ZNF236: variants seen among roughly 807,000 people sequenced by gnomAD.
ZNF236 encodes the protein regulated by glucose.
Under a neutral mutation model 191.2 loss-of-function variants are expected in ZNF236, and 50 were observed. The observed-to-expected ratio is 0.26, with a 90% confidence interval of 0.21 to 0.33. The LOEUF (loss-of-function observed/expected upper bound fraction) is 0.33. Ranked by LOEUF, ZNF236 falls within the 10% of genes least tolerant of loss-of-function variation. The pLI, the probability that ZNF236 is intolerant of heterozygous loss-of-function variation, is 1.00. For synonymous variants in ZNF236, 907 were observed against 928.8 expected, an observed-to-expected ratio of 0.98 and a Z score of 0.43; for missense variants, 1,754 against 2,374.5, an observed-to-expected ratio of 0.74 and a Z score of 5.43.
chr18:76,943,978 T>C (rs1315837862), intron 26 of ZNF236, among the ~76,000 whole-genome samples: 1 of 152,238 alleles, frequency 6.6e-6, no homozygotes, highest in Non-Finnish European at 1.5e-5. Context: ...GGTTGATTTA[T>C]GGGTACTTGA....
At chr18:76,867,510 G>A (rs1031062120) in intron 3 of ZNF236, among the ~76,000 whole-genome samples, 5 of 152,052 alleles carry the variant, frequency 3.3e-5, no homozygotes, top group African/African-American at 9.7e-5. Flanking sequence ...ACTAGTATAT[G>A]CAGATCAGAA....
chr18:76,845,282 G>A lies in ZNF236; in HGVS notation c.56-4244G>A, dbSNP rs150464401. Among the ~76,000 whole-genome samples the A allele has an allele frequency of 1.6e-3, 239 of 152,194 alleles. 2 individuals carry two copies. The highest frequency in any genetic ancestry group is 5.5e-3 in the African/African-American group (227 of 41,520). On this transcript the variant is annotated intron_variant, in intron 1 of 30. Transcript: ENST00000320610. ...ATTTTTATGTGTGAGGTGGCTGTGTGGGTAAACTGCCTTGGAATTCTACAT... is the reference window on the plus strand; with the variant it reads ...ATTTTTATGTGTGAGGTGGCTGTGTAGGTAAACTGCCTTGGAATTCTACAT...
chr18:76,924,349 C>T (rs1041626538), intron 21 of ZNF236, among the ~76,000 whole-genome samples: 4 of 152,148 alleles, frequency 2.6e-5, no homozygotes, highest in African/African-American at 4.8e-5. Flanking sequence ...GCGTAGGCCA[C>T]GTGGATAAGG....
At position 76,915,963 on chromosome 18, in the gene ZNF236, T is replaced by G. The variant is rs939513517; in HGVS notation, c.3274+104T>G. On this transcript the variant is annotated intron_variant, in intron 19 of 30. Coordinates refer to ENST00000320610, the MANE Select transcript of ZNF236 (RefSeq NM_001306089.2). ...TATTTTGACGTGGCTATATATAGAT[T>G]AGTTCAGTAGCACCCTGAGTTTTTA... 7.5e-5 allele frequency: 73 copies of G among 970,938 alleles called. No homozygotes were observed. In the Admixed American group the frequency reaches 1.2e-3, roughly 16 times the overall value. 60.1% of individuals were successfully genotyped at this position (970,938 alleles called of 1,614,324 possible).
In ZNF236 at chr18:76,853,836, C is replaced by CCATG. The variant is rs1206087695; in HGVS notation, c.363+1898_363+1899insATGC. On this transcript the variant is annotated intron_variant, in intron 3 of 30. Coordinates refer to ENST00000320610, the MANE Select transcript of ZNF236 (RefSeq NM_001306089.2). Reference sequence around the variant, plus strand: ...GACCAGCCTGGCCAACATGGTGAAACCCTGTCTCTATTAAAAATACAAAAA... The same window carrying CCATG: ...GACCAGCCTGGCCAACATGGTGAAACCATGCCTGTCTCTATTAAAAATACAAAAA... Among the ~76,000 whole-genome samples, 17 of 151,940 alleles carry CCATG rather than the reference C, an allele frequency of 1.1e-4. No individual in the cohort carries two copies. The South Asian group carries it at 1.2e-3, about 11-fold the overall frequency.
chr18:76,854,584 CAA>C (rs11381479), intron 3 of ZNF236, among the ~76,000 whole-genome samples: 1 of 143,612 alleles, frequency 7.0e-6, no homozygotes, highest in Admixed American at 7.0e-5. Flanking sequence ...ACTGTCACTA[CAA>C]AAAAAAAAAA....
chr18:76,948,675 A>G (rs1271369249), intron 27 of ZNF236, among the ~76,000 whole-genome samples: 1 of 152,178 alleles, frequency 6.6e-6, no homozygotes, highest in Non-Finnish European at 1.5e-5. Flanking sequence ...CTCCCAGGAA[A>G]GTTGTGTGAC....
rs919283777 is a variant in ZNF236, at chr18:76,971,439, G to A, written c.*3100G>A. 1.3e-5 allele frequency among the ~76,000 whole-genome samples: 2 copies of A among 152,346 alleles called. No homozygotes were observed. Among genetic ancestry groups the A allele is most frequent in the Admixed American group, 6.5e-5 (1 of 15,308 alleles). On this transcript the variant is annotated 3_prime_UTR_variant, in exon 31 of 31. Coordinates refer to ENST00000320610, the MANE Select transcript of ZNF236 (RefSeq NM_001306089.2). ...CTCCTCTTCCTGACAGTGTTCTGCT[G>A]GTGGGACATGAACATCAGTGCTTGT... is the stretch of plus-strand genomic sequence containing the variant.
rs190607153 is a variant in ZNF236, at chr18:76,947,820, C to A, written c.4914+168C>A. ...TGAGTGGACATAGGCCCTGCGGGGG[C>A]GTGTGTTGAATGACAGGTACGATAT... On this transcript the variant is annotated intron_variant, in intron 27 of 30. Transcript: ENST00000320610. Among the ~76,000 whole-genome samples, 15 of 152,080 alleles carry A rather than the reference C, an allele frequency of 9.9e-5. No individual in the cohort carries two copies. In the East Asian group the frequency reaches 2.9e-3, roughly 29 times the overall value.
At chr18:76,873,225 TCA>T (rs1159557267) in intron 5 of ZNF236, among the ~76,000 whole-genome samples, 1 of 152,250 alleles carries the variant, frequency 6.6e-6, no homozygotes, top group Non-Finnish European at 1.5e-5. Flanking sequence ...CTTCTCGTGT[TCA>T]CTTCTCAGTT....
chr18:76,828,494 G>A (rs1480513734), intron 1 of ZNF236, among the ~76,000 whole-genome samples: 2 of 152,142 alleles, frequency 1.3e-5, no homozygotes, highest in Admixed American at 6.5e-5. Context: ...GCGGCAGGAG[G>A]CAGCCAGAGC....
chr18:76,858,498 A>G (rs550808122), intron 3 of ZNF236, among the ~76,000 whole-genome samples: 3 of 152,352 alleles, frequency 2.0e-5, no homozygotes, highest in African/African-American at 7.2e-5. Flanking sequence ...ACAGTTTAAC[A>G]TTGCTGTAAT....
chr18:76,922,381 C>T (rs1018098332), intron 20 of ZNF236, among the ~76,000 whole-genome samples: 3 of 152,118 alleles, frequency 2.0e-5, no homozygotes, highest in Non-Finnish European at 2.9e-5. Context: ...GATATCTCGT[C>T]GTTTTCATCT....
At chr18:76,847,521 A>G (rs940504790) in intron 1 of ZNF236, among the ~76,000 whole-genome samples, 2 of 151,732 alleles carry the variant, frequency 1.3e-5, no homozygotes, top group African/African-American at 4.8e-5. Flanking sequence ...GCTGGAGTGC[A>G]GTGGCGCGAT....
chr18:76,865,528 G>A (rs532981088), intron 3 of ZNF236, among the ~76,000 whole-genome samples: 10 of 152,312 alleles, frequency 6.6e-5, no homozygotes, highest in Non-Finnish European at 1.0e-4. Flanking sequence ...AGAGCCTTCT[G>A]AAGAAAGCCA....
chr18:76,912,382 C>G, intron 17 of ZNF236, 35 bp downstream of exon 17: 2 of 1,527,118 alleles, frequency 1.3e-6, no homozygotes, highest in Non-Finnish European at 1.8e-6. Context: ...ATGGTATTGC[C>G]GGCTCCCAGG....
At chr18:76,926,761 A>T (rs199942332) in intron 22 of ZNF236, among the ~76,000 whole-genome samples, 4 of 46,292 alleles carry the variant, frequency 8.6e-5, no homozygotes, top group Admixed American at 1.9e-4. Context: ...GTGATTAGAC[A>T]GTGTGTGTGT....
intron 26 of ZNF236, among the ~76,000 whole-genome samples, chr18:76,945,592 C>A (rs1264732346): frequency 6.6e-6 from 1 of 152,170 alleles, no homozygotes; most frequent in Non-Finnish European, 1.5e-5. Flanking sequence ...TCCAGACTAG[C>A]CTGGCGAACA....
At chr18:76,851,298 C>A (rs1975860994) in intron 2 of ZNF236, among the ~76,000 whole-genome samples, 1 of 146,830 alleles carries the variant, frequency 6.8e-6, no homozygotes, top group Non-Finnish European at 1.5e-5. Context: ...CAGAGTCTCG[C>A]CCTCTTGCCC....
Sources: allele counts gnomAD v4.1 joint callset (sites outside exome capture counted in the v4.1 genomes callset), GRCh38; gene constraint gnomAD v4.1.1; transcripts MANE v1.5; gene names NCBI Gene and HGNC (gene_info 2026-07-23, HGNC 2026-07-21).